The following CRACDL variants were observed in gnomAD, a reference collection of about 807,000 sequenced individuals.
The protein encoded by CRACDL is CRACD-like protein.
In CRACDL, 26 loss-of-function variants were observed where a neutral mutation model predicts 70.6. The ratio of observed to expected loss-of-function variants is 0.37; its 90% CI spans 0.27 to 0.51. The LOEUF (loss-of-function observed/expected upper bound fraction) is 0.51, where lower values mean the gene tolerates loss of function less well. Ranked by LOEUF, CRACDL falls within the 20% of genes least tolerant of loss-of-function variation. The pLI, the probability that CRACDL is intolerant of heterozygous loss-of-function variation, is 0.94. For missense variants in CRACDL, 1,283 were observed against 1,376.9 expected, an observed-to-expected ratio of 0.93 and a Z score of 1.08; for synonymous variants, 618 against 615.2, an observed-to-expected ratio of 1.00 and a Z score of -0.07.
At chr2:98,930,771 G>A (rs937060219) in intron 1 of CRACDL, among the ~76,000 whole-genome samples, 1 of 152,160 alleles carries the variant, frequency 6.6e-6, no homozygotes, top group African/African-American at 2.4e-5. Flanking sequence ...CTCAGTTATG[G>A]AAGGACCCTT....
Position 98,827,255 on chromosome 2 carries a change from C to T in CRACDL, c.541-86G>A. The stretch of plus-strand genomic sequence containing the variant: ...CCAACGCAACAATGCTCTTTTCTGC[C>T]CAGGCTGTCTTCCCACACTGTCTCT... On this transcript the variant is annotated intron_variant, in intron 5 of 9. Transcript: ENST00000397899. 3 of 920,770 alleles carry T rather than the reference C, an allele frequency of 3.3e-6. No homozygotes were observed. The South Asian group carries it at 4.5e-5, about 14-fold the overall frequency. The allele number at this position is 920,770 out of a possible 1,614,324, so 57.0% of individuals were successfully genotyped here.
chr2:98,794,511 C>G lies in CRACDL; in HGVS notation c.*21G>C. The stretch of plus-strand genomic sequence containing the variant: ...GTGGCTTGTCAGGGTAGTGGACATG[C>G]TTTATCAGCACACTGCCCACCTATT... On this transcript the variant is annotated 3_prime_UTR_variant, in exon 10 of 10. Coordinates refer to ENST00000397899, the MANE Select transcript of CRACDL (RefSeq NM_207362.3). The G allele has an allele frequency of 6.2e-7, 1 of 1,611,174 alleles. No homozygotes were observed.
intron 7 of CRACDL, among the ~76,000 whole-genome samples, chr2:98,821,414 C>T (rs985609222): frequency 9.9e-5 from 15 of 152,182 alleles, no homozygotes; most frequent in African/African-American, 3.6e-4. Context: ...AACTCCTGGG[C>T]TTATCAGCAG....
chr2:98,896,672 C>T (rs1253262021), intron 1 of CRACDL, among the ~76,000 whole-genome samples: 5 of 152,226 alleles, frequency 3.3e-5, no homozygotes, highest in East Asian at 1.9e-4. Context: ...CAACACCCTG[C>T]GTCTGGAGGG....
intron 5 of CRACDL, among the ~76,000 whole-genome samples, chr2:98,831,146 C>T (rs1274553022): frequency 6.6e-6 from 1 of 152,214 alleles, no homozygotes; most frequent in Admixed American, 6.5e-5. Context: ...GAGAGCAGGC[C>T]TGGGTAGCCC....
intron 1 of CRACDL, among the ~76,000 whole-genome samples, chr2:98,909,924 A>G (rs780227665): frequency 1.3e-5 from 2 of 152,208 alleles, no homozygotes; most frequent in Non-Finnish European, 2.9e-5. Flanking sequence ...CCGCTTTCAA[A>G]AAGGGGAAAC....
At chr2:98,910,923 T>TA (rs1708532527) in intron 1 of CRACDL, among the ~76,000 whole-genome samples, 1 of 152,190 alleles carries the variant, frequency 6.6e-6, no homozygotes, top group African/African-American at 2.4e-5. Context: ...TACCACTCAG[T>TA]AAAAGAGGGG....
chr2:98,852,595 T>A (rs984293621), intron 1 of CRACDL, among the ~76,000 whole-genome samples: 1 of 151,718 alleles, frequency 6.6e-6, no homozygotes, highest in African/African-American at 2.4e-5. Context: ...CCATAATATA[T>A]AAAAAGATAA....
chr2:98,863,643 A>G (rs577856157), intron 1 of CRACDL, among the ~76,000 whole-genome samples: 2 of 152,300 alleles, frequency 1.3e-5, no homozygotes, highest in South Asian at 4.1e-4. Flanking sequence ...TGACTTTACA[A>G]TGGTGCAAAA....
intron 1 of CRACDL, among the ~76,000 whole-genome samples, chr2:98,921,289 G>A (rs1034282111): frequency 9.2e-5 from 14 of 152,212 alleles, no homozygotes; most frequent in Non-Finnish European, 1.6e-4. Context: ...GGCAGGGCGC[G>A]GCAGGGCAGC....
intron 5 of CRACDL, 27 bp downstream of exon 5, chr2:98,832,321 A>G: frequency 6.2e-7 from 1 of 1,613,498 alleles, no homozygotes; most frequent in Non-Finnish European, 8.5e-7. Context: ...GTGGATGAAG[A>G]CATGCAGTGG....
In CRACDL at chr2:98,823,097, G is replaced by A; in HGVS notation, c.1176C>T (p.Val392=). Residue 392 remains valine, a synonymous_variant, in exon 7 of 10, where the codon GTC becomes GTT. Transcript: ENST00000397899. This position sits in a 1 kb window ranked among gnomAD's most constrained non-coding sequence, Gnocchi z 4.0. ...GGCTCGCGACGTCTTCGGGAGCACA[G>A]ACCACCTCCTCCGCCTTGTCCGTGG... ...APATDKAEEV[V]CAPEDVASPF... The A allele has an allele frequency of 1.9e-6, 3 of 1,579,426 alleles. No individual in the cohort carries two copies. The highest frequency in any genetic ancestry group is 2.6e-6 in the Non-Finnish European group (3 of 1,165,922).
intron 5 of CRACDL, among the ~76,000 whole-genome samples, chr2:98,830,026 G>C (rs1214441570): frequency 6.6e-6 from 1 of 152,190 alleles, no homozygotes; most frequent in East Asian, 1.9e-4. Context: ...TTGTTCATTT[G>C]CCACCAGATC....
At chr2:98,885,037 T>C (rs1001840182) in intron 1 of CRACDL, among the ~76,000 whole-genome samples, 4 of 152,110 alleles carry the variant, frequency 2.6e-5, no homozygotes, top group Non-Finnish European at 5.9e-5. Flanking sequence ...AAAAGGAAGG[T>C]AGCAAGAGGG....
Position 98,823,312 on chromosome 2 carries a change from T to C in CRACDL, c.961A>G (p.Ser321Gly). The change falls in exon 7 of 10, where the codon AGC (serine) becomes GGC (glycine). Residue 321 changes from serine (S) to glycine (G), a missense_variant. Coordinates refer to ENST00000397899, the MANE Select transcript of CRACDL (RefSeq NM_207362.3). This position sits in a 1 kb window ranked among gnomAD's most constrained non-coding sequence, Gnocchi z 4.0. ...RLQHSSALTA[S>G]VEEGGVPGED... ...CCGGGGACGCCCCCCTCCTCCACGC[T>C]GGCCGTGAGCGCGGAGGAGTGCTGC... 1 of 1,444,826 alleles carries C rather than the reference T, an allele frequency of 6.9e-7. No individual in the cohort carries two copies. The allele number at this position is 1,444,826 out of a possible 1,614,324, so 89.5% of individuals were successfully genotyped here. A position where few individuals can be genotyped will look rare whatever the true frequency, so the allele number is the denominator to read the frequency against.
intron 1 of CRACDL, among the ~76,000 whole-genome samples, chr2:98,900,924 G>A (rs369678799): frequency 9.8e-5 from 15 of 152,292 alleles, no homozygotes; most frequent in East Asian, 7.7e-4. Context: ...AAGGTCACCC[G>A]GCTCCACCTT....
intron 1 of CRACDL, among the ~76,000 whole-genome samples, chr2:98,923,516 A>C (rs1400724840): frequency 6.6e-6 from 1 of 152,230 alleles, no homozygotes; most frequent in African/African-American, 2.4e-5. Flanking sequence ...AGAGCCTGTC[A>C]TACCCACTTC....
At chr2:98,866,693 C>G (rs1200791382) in intron 1 of CRACDL, among the ~76,000 whole-genome samples, 1 of 151,154 alleles carries the variant, frequency 6.6e-6, no homozygotes, top group Non-Finnish European at 1.5e-5. Context: ...AGGGTTTCAC[C>G]ATGTTGGCCA....
chr2:98,925,990 C>T (rs1047346655), intron 1 of CRACDL, among the ~76,000 whole-genome samples: 1 of 152,000 alleles, frequency 6.6e-6, no homozygotes, highest in Admixed American at 6.6e-5. Flanking sequence ...TATTTATATG[C>T]TACAAAAAAT....
Sources: allele counts gnomAD v4.1 joint callset (sites outside exome capture counted in the v4.1 genomes callset), GRCh38; gene constraint gnomAD v4.1.1; non-coding constraint Gnocchi (gnomAD v3.1); transcripts MANE v1.5; gene names NCBI Gene and HGNC (gene_info 2026-07-23, HGNC 2026-07-21).